Variants in SORL1 observed in about 807,000 individuals in gnomAD.
SORL1 encodes the protein sortilin related receptor 1, also known as sortilin-related receptor.
In SORL1, 127 loss-of-function variants were observed where a neutral mutation model predicts 273.7. The ratio of observed to expected loss-of-function variants is 0.46; its 90% CI spans 0.40 to 0.54. The LOEUF (loss-of-function observed/expected upper bound fraction) is 0.54. Among genes scored for constraint, SORL1 ranks in the 20% least tolerant of loss-of-function variants. The probability of loss-of-function intolerance (pLI) is 0.00; values close to 1 mark genes in which losing one functional copy is unlikely to be tolerated. For missense variants in SORL1, 2,494 were observed against 2,846.1 expected (o/e 0.88, Z 2.81); for synonymous variants, 1,031 against 1,067.4 (o/e 0.97, Z 0.66).
chr11:121,477,276 A>G (rs962504107), intron 2 of SORL1, among the ~76,000 whole-genome samples: 2 of 152,148 alleles, frequency 1.3e-5, no homozygotes, highest in Non-Finnish European at 2.9e-5. Context: ...TTTCATTTCC[A>G]TCTTGGGCTA....
chr11:121,474,831 G>T (rs1242868785), intron 2 of SORL1, among the ~76,000 whole-genome samples: 2 of 152,360 alleles, frequency 1.3e-5, no homozygotes, highest in South Asian at 4.1e-4. Context: ...CCACCAATCC[G>T]CTTGAGCTAA....
rs943251048 is a variant in SORL1, at chr11:121,627,478, G to A, written c.6365-77G>A. On this transcript the variant is annotated intron_variant, in intron 46 of 47. Transcript: ENST00000260197. This position sits in a 1 kb window ranked among gnomAD's most constrained non-coding sequence, Gnocchi z 4.9. ...GGCTATCGCCCAGCTTTTTTTGGTG[G>A]GTGGGGCCTTGAGGAGTCATCTGGT... The A allele has an allele frequency of 3.3e-6, 4 of 1,206,158 alleles. 1 individual carries two copies. Among genetic ancestry groups the A allele is most frequent in the African/African-American group, 3.0e-5 (2 of 66,560 alleles). 74.7% of individuals were successfully genotyped at this position (1,206,158 alleles called of 1,614,324 possible). A position where few individuals can be genotyped will look rare whatever the true frequency, so the allele number is the denominator to read the frequency against.
intron 3 of SORL1, among the ~76,000 whole-genome samples, chr11:121,487,388 C>A (rs1861491097): frequency 1.3e-5 from 2 of 152,198 alleles, no homozygotes; most frequent in Admixed American, 1.3e-4. Context: ...CAGATTCACT[C>A]ATCCACACAG....
chr11:121,555,331 T>C lies in SORL1; in HGVS notation c.2571+13T>C. ...CAAAAAGATTGAGGTATGTGTATTT[T>C]CGTGCTGTTCTTAATTAAGGGAGCA... On this transcript the variant is annotated intron_variant, in intron 18 of 47. Coordinates refer to ENST00000260197, the MANE Select transcript of SORL1 (RefSeq NM_003105.6). 1 of 1,613,072 alleles carries C rather than the reference T, an allele frequency of 6.2e-7. No homozygotes were observed. Among genetic ancestry groups the C allele is most frequent in the African/African-American group, 1.3e-5 (1 of 75,012 alleles).
rs566161287 is a variant in SORL1 at position 121,499,797 on chromosome 11, C to T, written c.939+2748C>T. 1.1e-3 allele frequency among the ~76,000 whole-genome samples: 163 copies of T among 152,308 alleles called. 1 individual carries two copies. The highest frequency in any genetic ancestry group is 2.0e-3 in the Non-Finnish European group (133 of 68,018). On this transcript the variant is annotated intron_variant, in intron 6 of 47. Coordinates refer to ENST00000260197, the MANE Select transcript of SORL1 (RefSeq NM_003105.6). ...CCTGAGCTTGGGAAATTCCAGCTGGCTTTAGTGTTAAATGAATTCAAATCA... is the reference window on the plus strand; with the variant it reads ...CCTGAGCTTGGGAAATTCCAGCTGGTTTTAGTGTTAAATGAATTCAAATCA...
chr11:121,463,113 G>A (rs1861028135), intron 1 of SORL1, among the ~76,000 whole-genome samples: 1 of 152,126 alleles, frequency 6.6e-6, no homozygotes, highest in Non-Finnish European at 1.5e-5. Context: ...CACTCTGACT[G>A]TGTTTCCTGC....
chr11:121,553,951 A>C lies in SORL1; in HGVS notation c.2281A>C (p.Ile761Leu), dbSNP rs760171845. Reference sequence around the variant, plus strand: ...GTGTCTGGCAGAAGAGAACGAGTTCATTCTGTATGCTGTGAGGAAATCCAT... The same window carrying C: ...GTGTCTGGCAGAAGAGAACGAGTTCCTTCTGTATGCTGTGAGGAAATCCAT... ...PCPLAEENEF[I>L]LYAVRKSIYR... The change falls in exon 17 of 48, where the codon ATT becomes CTT. Residue 761 changes from isoleucine (I) to leucine (L), a missense_variant. Coordinates refer to ENST00000260197, the MANE Select transcript of SORL1 (RefSeq NM_003105.6). 2 of 1,613,644 alleles carry C rather than the reference A, an allele frequency of 1.2e-6. No individual in the cohort carries two copies. Among genetic ancestry groups the C allele is most frequent in the South Asian group, 1.1e-5 (1 of 91,038 alleles).
At chr11:121,545,173 C>T (rs1862406926) in intron 13 of SORL1, 70 bp from the exon 14 acceptor site, 3 of 1,476,508 alleles carry the variant, frequency 2.0e-6, no homozygotes, top group Admixed American at 1.7e-5. Context: ...GGCCAGGCAC[C>T]TTGAGGCATA....
chr11:121,558,430 A>G (rs1862623830), intron 19 of SORL1, among the ~76,000 whole-genome samples, 161 bp from the exon 20 acceptor site: 1 of 152,222 alleles, frequency 6.6e-6, no homozygotes, highest in Admixed American at 6.5e-5. Context: ...AGGTGAAGGA[A>G]TTTAAGTAGT....
intron 40 of SORL1, 35 bp from the exon 41 acceptor site, chr11:121,614,836 C>T (rs1416887804): frequency 6.3e-7 from 1 of 1,590,780 alleles, no homozygotes; most frequent in Admixed American, 1.7e-5. Flanking sequence ...ACACCCCCAA[C>T]TTCCTCCTGG....
chr11:121,488,717 G>A (rs549613249), intron 4 of SORL1, among the ~76,000 whole-genome samples: 50 of 152,270 alleles, frequency 3.3e-4, no homozygotes, highest in African/African-American at 1.1e-3. Flanking sequence ...AGGTTTGAAG[G>A]AAATCTGAGA....
intron 9 of SORL1, among the ~76,000 whole-genome samples, chr11:121,521,512 T>C (rs150457958): frequency 6.6e-6 from 1 of 152,332 alleles, no homozygotes. Flanking sequence ...TCAGTTTATT[T>C]ATGAACTGTC....
At chr11:121,539,407 A>G (rs1862312683) in intron 12 of SORL1, among the ~76,000 whole-genome samples, 1 of 152,180 alleles carries the variant, frequency 6.6e-6, no homozygotes, top group Non-Finnish European at 1.5e-5. Flanking sequence ...AAATAAAAGT[A>G]TTTTCCCTAT....
At chr11:121,565,775 T>C (rs533314126) in intron 21 of SORL1, among the ~76,000 whole-genome samples, 16 of 152,288 alleles carry the variant, frequency 1.1e-4, no homozygotes, top group African/African-American at 2.6e-4. Flanking sequence ...CCCGGAACGA[T>C]GTAGGGGATA....
intron 32 of SORL1, among the ~76,000 whole-genome samples, chr11:121,599,030 T>A (rs1342524728): frequency 6.6e-6 from 1 of 152,238 alleles, no homozygotes; most frequent in Non-Finnish European, 1.5e-5. Context: ...TTGTTTTGTT[T>A]ATTTATTTGT....
chr11:121,455,244 C>G (rs1005851467), intron 1 of SORL1, among the ~76,000 whole-genome samples: 5 of 152,168 alleles, frequency 3.3e-5, no homozygotes, highest in African/African-American at 1.2e-4. Flanking sequence ...CCAGCCACAA[C>G]TCTACAATGG....
At chr11:121,522,885 A>G in intron 10 of SORL1, 31 bp from the exon 11 acceptor site, 1 of 1,585,264 alleles carries the variant, frequency 6.3e-7, no homozygotes. Flanking sequence ...TATTCTTGAA[A>G]TTAAAAATAA....
intron 10 of SORL1, 74 bp from the exon 11 acceptor site, chr11:121,522,842 G>A (rs1480504670): frequency 2.8e-6 from 4 of 1,445,190 alleles, no homozygotes; most frequent in East Asian, 4.5e-5. Flanking sequence ...ATACTACGCA[G>A]AATTTCTGGC....
In SORL1 at chr11:121,520,838, A is replaced by G; in HGVS notation, c.1393A>G (p.Ile465Val). Residue 465 changes from isoleucine to valine, a missense_variant, in exon 9 of 48, where the codon ATC becomes GTC. Ile to Val is a conservative substitution (Grantham distance 29, BLOSUM62 3). Coordinates refer to ENST00000260197, the MANE Select transcript of SORL1 (RefSeq NM_003105.6). ...APAFTGYGEK[I>V]NCELSQGCSL... ...AGCCTTCACGGGATATGGAGAGAAA[A>G]TCAATTGTGAGGTATTGATGCTTTA... is the stretch of plus-strand genomic sequence containing the variant. The G allele has an allele frequency of 6.3e-7, 1 of 1,595,262 alleles. No individual in the cohort carries two copies. The highest frequency in any genetic ancestry group is 8.5e-7 in the Non-Finnish European group (1 of 1,174,274).
Sources: gnomAD v4.1 joint callset for allele counts (sites outside exome capture counted in the v4.1 genomes callset) on GRCh38, gnomAD v4.1.1 for gene constraint, Gnocchi (gnomAD v3.1) non-coding constraint, MANE v1.5 for transcripts, NCBI Gene and HGNC (gene_info 2026-07-23, HGNC 2026-07-21) for gene names.